DAB1: variants seen among roughly 807,000 people sequenced by gnomAD.
DAB1 encodes the protein disabled homolog 1.
In DAB1, 15 loss-of-function variants were observed where a neutral mutation model predicts 64.6. The ratio of observed to expected loss-of-function variants is 0.23; its 90% CI spans 0.16 to 0.36. The LOEUF is 0.36. Among genes scored for constraint, DAB1 ranks in the 10% least tolerant of loss-of-function variants. The pLI, the probability that DAB1 is intolerant of heterozygous loss-of-function variation, is 1.00. For synonymous variants in DAB1, 235 were observed against 251.9 expected (o/e 0.93, Z 0.64); for missense variants, 596 against 706.7 (o/e 0.84, Z 1.78).
chr1:58,408,524 C>A (rs969906811), intron 3 of DAB1, among the ~76,000 whole-genome samples: 1 of 152,164 alleles, frequency 6.6e-6, no homozygotes, highest in Non-Finnish European at 1.5e-5. Flanking sequence ...GTGTCCAGGG[C>A]AGTGTCTGTC....
chr1:58,166,649 T>C (rs1303084749), intron 4 of DAB1, among the ~76,000 whole-genome samples: 2 of 152,106 alleles, frequency 1.3e-5, no homozygotes, highest in African/African-American at 4.8e-5. Context: ...CTATATGTTT[T>C]CATATAGGCA....
intron 9 of DAB1, chr1:57,033,268 A>G (rs1647022741): frequency 1.9e-6 from 2 of 1,059,832 alleles, no homozygotes; most frequent in South Asian, 2.6e-5. Context: ...TTGAATAGGT[A>G]CCTACTAGAG....
chr1:57,802,740 C>T (rs1458133454), intron 6 of DAB1, among the ~76,000 whole-genome samples: 1 of 152,162 alleles, frequency 6.6e-6, no homozygotes. Context: ...CGCCCACTTC[C>T]CCTTCCGCCA....
At chr1:57,129,063 G>A (rs914331008) in intron 4 of DAB1, among the ~76,000 whole-genome samples, 6 of 152,104 alleles carry the variant, frequency 3.9e-5, no homozygotes, top group Non-Finnish European at 7.4e-5. Flanking sequence ...AGTTAAACGA[G>A]GCCAAGCATG....
chr1:57,241,772 C>T (rs775242571), intron 2 of DAB1, among the ~76,000 whole-genome samples: 1 of 152,146 alleles, frequency 6.6e-6, no homozygotes, highest in Non-Finnish European at 1.5e-5. Flanking sequence ...CTGAGATCTT[C>T]CATGGAAGGG....
intron 4 of DAB1, among the ~76,000 whole-genome samples, chr1:58,282,498 C>T (rs55982258): frequency 0.1 from 15,709 of 151,996 alleles, 1,278 homozygotes; most frequent in African/African-American, 0.23. Flanking sequence ...TTATTTATAG[C>T]ACTCTTTTAT....
intron 5 of DAB1, among the ~76,000 whole-genome samples, chr1:58,039,981 A>C (rs1647110051): frequency 6.6e-6 from 1 of 152,126 alleles, no homozygotes; most frequent in Non-Finnish European, 1.5e-5. Context: ...AAATATATAA[A>C]ATTTTACCTA....
chr1:57,260,029 A>T (rs966312722), intron 2 of DAB1, among the ~76,000 whole-genome samples: 11 of 152,198 alleles, frequency 7.2e-5, no homozygotes, highest in Non-Finnish European at 1.3e-4. Flanking sequence ...TAAGAACCCC[A>T]CAATATAAAC....
intron 11 of DAB1, among the ~76,000 whole-genome samples, chr1:57,021,878 C>T (rs1646634665): frequency 6.6e-6 from 1 of 152,110 alleles, no homozygotes; most frequent in Non-Finnish European, 1.5e-5. Flanking sequence ...CCTGTCCCTG[C>T]TAGTCCTGTC....
At chr1:57,468,864 CATTT>C (rs1299072003) in intron 7 of DAB1, among the ~76,000 whole-genome samples, 1 of 152,186 alleles carries the variant, frequency 6.6e-6, no homozygotes, top group Non-Finnish European at 1.5e-5. Flanking sequence ...TTTATTCATT[CATTT>C]GACAAATATT....
chr1:57,802,133 G>A (rs1416999320), intron 6 of DAB1, among the ~76,000 whole-genome samples: 12 of 152,158 alleles, frequency 7.9e-5, no homozygotes, highest in East Asian at 7.7e-4. Context: ...GCTAATGTTC[G>A]AACATTTATT....
At chr1:57,867,978 A>C (rs1195404650) in intron 1 of DAB1, among the ~76,000 whole-genome samples, 2 of 152,180 alleles carry the variant, frequency 1.3e-5, no homozygotes, top group African/African-American at 4.8e-5. Flanking sequence ...CAAATGCAGT[A>C]AAGTTCCACC....
intron 2 of DAB1, among the ~76,000 whole-genome samples, chr1:57,173,316 A>G (rs1661976566): frequency 6.6e-6 from 1 of 152,204 alleles, no homozygotes; most frequent in Non-Finnish European, 1.5e-5. Flanking sequence ...GCACACCAAC[A>G]TGACATCACA....
At chr1:58,212,880 AGAGCTGGTG>A (rs2100297212) in intron 4 of DAB1, among the ~76,000 whole-genome samples, 1 of 152,292 alleles carries the variant, frequency 6.6e-6, no homozygotes, top group Non-Finnish European at 1.5e-5. Flanking sequence ...TAAGACAAAC[AGAGCTGGTG>A]GAGGGGGTGG....
At chr1:57,473,301 C>T (rs1382482345) in intron 7 of DAB1, among the ~76,000 whole-genome samples, 1 of 152,198 alleles carries the variant, frequency 6.6e-6, no homozygotes, top group Non-Finnish European at 1.5e-5. Context: ...GCTGGACACC[C>T]ACCTTCCAGT....
intron 1 of DAB1, among the ~76,000 whole-genome samples, chr1:57,363,164 T>G (rs1679691388): frequency 6.6e-6 from 1 of 152,214 alleles, no homozygotes; most frequent in African/African-American, 2.4e-5. Context: ...TGTTTTCAAA[T>G]GGTTAGTTGT....
At chr1:57,328,276 C>A (rs12401342) in intron 1 of DAB1, among the ~76,000 whole-genome samples, 9,812 of 152,226 alleles carry the variant, frequency 0.064, 678 homozygotes, top group African/African-American at 0.17. Context: ...TTGAGTCCAA[C>A]CTCTGTGCCA....
intron 4 of DAB1, among the ~76,000 whole-genome samples, chr1:57,115,602 C>T (rs1656039009): frequency 6.6e-6 from 1 of 152,192 alleles, no homozygotes; most frequent in East Asian, 1.9e-4. Flanking sequence ...TAAATAGTCA[C>T]CTGTGGCTAA....
intron 7 of DAB1, among the ~76,000 whole-genome samples, chr1:57,515,592 G>A (rs1036119024): frequency 3.9e-5 from 6 of 152,224 alleles, no homozygotes; most frequent in Admixed American, 3.9e-4. Context: ...TCTTCTTCCA[G>A]AAGGTGAAAA....
Sources: allele counts gnomAD v4.1 joint callset (sites outside exome capture counted in the v4.1 genomes callset), GRCh38; gene constraint gnomAD v4.1.1; transcripts MANE v1.5; gene names NCBI Gene and HGNC (gene_info 2026-07-23, HGNC 2026-07-21).